The following EPB41L3 variants were observed in gnomAD, a reference collection of about 807,000 sequenced individuals.
The protein encoded by EPB41L3 is band 4.1-like protein 3.
Under a neutral mutation model 127.1 loss-of-function variants are expected in EPB41L3, and 57 were observed. The observed-to-expected ratio is 0.45, with a 90% CI of 0.36 to 0.56. EPB41L3 has a LOEUF of 0.56. Ranked by LOEUF, EPB41L3 falls within the 20% of genes least tolerant of loss-of-function variation. The pLI is 0.00. For missense variants in EPB41L3, 1,273 were observed against 1,372.2 expected (o/e 0.93, Z 1.14); for synonymous variants, 572 against 549.5 (o/e 1.04, Z -0.57).
At chr18:5,419,910 T>G in intron 11 of EPB41L3, 33 bp from the exon 12 acceptor site, 2 of 1,614,064 alleles carry the variant, frequency 1.2e-6, no homozygotes, top group Non-Finnish European at 1.7e-6. Flanking sequence ...CATGTATATT[T>G]CATGGTTTTC....
rs1463836118 is a variant in EPB41L3, at chr18:5,392,416, A to G, written c.*1069T>C. On this transcript the variant is annotated 3_prime_UTR_variant, in exon 23 of 23. Transcript: ENST00000341928. ...GTGCATTTGCCATTTTTATTTCGCT[A>G]TGCAGAAACATACATTCACCATGGG... 2 of 152,630 alleles carry G rather than the reference A, an allele frequency of 1.3e-5. No individual in the cohort carries two copies. Among genetic ancestry groups the G allele is most frequent in the African/African-American group, 2.4e-5 (1 of 41,444 alleles). 9.5% of individuals were successfully genotyped at this position (152,630 alleles called of 1,614,324 possible).
chr18:5,396,367 T>C lies in EPB41L3; in HGVS notation c.2842-35A>G, dbSNP rs768097979. On this transcript the variant is annotated intron_variant, in intron 18 of 22. Coordinates refer to ENST00000341928, the MANE Select transcript of EPB41L3 (RefSeq NM_012307.5). ...AGGGGAGTAAGCAGAGTGGCTGTTA[T>C]AGTTTGCATGAACACATTGTTTTCT... The C allele has an allele frequency of 3.5e-5, 57 of 1,613,442 alleles. No homozygotes were observed. The African/African-American group carries it at 6.4e-4, about 18-fold the overall frequency.
intron 3 of EPB41L3, among the ~76,000 whole-genome samples, chr18:5,594,641 C>A (rs1465933498): frequency 6.6e-6 from 1 of 152,168 alleles, no homozygotes; most frequent in Admixed American, 6.6e-5. Flanking sequence ...TTCACCCAAC[C>A]TTTTAGAAGG....
intron 8 of EPB41L3, among the ~76,000 whole-genome samples, chr18:5,429,956 C>T (rs187079977): frequency 6.6e-6 from 1 of 152,132 alleles, no homozygotes. Flanking sequence ...GGAACGAGGA[C>T]GCACTGCCAG....
At chr18:5,489,848 C>T (rs1474048510) in intron 1 of EPB41L3, among the ~76,000 whole-genome samples, 1 of 152,208 alleles carries the variant, frequency 6.6e-6, no homozygotes, top group Non-Finnish European at 1.5e-5. Flanking sequence ...CATCTTCTTC[C>T]TGGCTTCCCC....
intron 3 of EPB41L3, among the ~76,000 whole-genome samples, chr18:5,583,170 C>G (rs1038103977): frequency 2.0e-5 from 3 of 152,182 alleles, no homozygotes; most frequent in Non-Finnish European, 4.4e-5. Flanking sequence ...GACAGTCAGA[C>G]AACTGTCATA....
chr18:5,605,928 G>A (rs1026780094), intron 3 of EPB41L3, among the ~76,000 whole-genome samples: 8 of 152,184 alleles, frequency 5.3e-5, no homozygotes, highest in South Asian at 2.1e-4. Context: ...TAAGGAGTTG[G>A]AGGCAGAAGG....
intron 22 of EPB41L3, chr18:5,393,934 C>T: frequency 6.0e-6 from 1 of 166,004 alleles, no homozygotes; most frequent in East Asian, 1.8e-4. Context: ...TCTTGCATGG[C>T]AGGTGACTAT....
At chr18:5,517,078 G>C (rs573218021) in intron 1 of EPB41L3, among the ~76,000 whole-genome samples, 1 of 152,266 alleles carries the variant, frequency 6.6e-6, no homozygotes, top group African/African-American at 2.4e-5. Flanking sequence ...TCTGAGGGCA[G>C]AGCAACATCG....
intron 1 of EPB41L3, among the ~76,000 whole-genome samples, chr18:5,490,188 A>C (rs893306609): frequency 2.0e-5 from 3 of 152,242 alleles, no homozygotes; most frequent in Non-Finnish European, 2.9e-5. Flanking sequence ...CGCCAAGTAG[A>C]TCCCATGTCA....
intron 3 of EPB41L3, among the ~76,000 whole-genome samples, chr18:5,473,106 G>A (rs555500332): frequency 2.6e-5 from 4 of 152,004 alleles, no homozygotes; most frequent in African/African-American, 7.2e-5. Flanking sequence ...TATGTGTTAT[G>A]GCTGCATTTA....
At chr18:5,568,448 A>AG in intron 3 of EPB41L3, among the ~76,000 whole-genome samples, 1 of 150,230 alleles carries the variant, frequency 6.7e-6, no homozygotes, top group African/African-American at 2.4e-5. Flanking sequence ...AAAAAAAAAA[A>AG]GTATGAGAGA....
chr18:5,529,241 C>A (rs1200726131), intron 1 of EPB41L3, among the ~76,000 whole-genome samples: 1 of 152,126 alleles, frequency 6.6e-6, no homozygotes, highest in African/African-American at 2.4e-5. Context: ...AGGAGGTAAA[C>A]ATTTCCAACA....
intron 1 of EPB41L3, among the ~76,000 whole-genome samples, chr18:5,518,300 C>T (rs1265077476): frequency 6.6e-6 from 1 of 152,096 alleles, no homozygotes; most frequent in East Asian, 1.9e-4. Context: ...TAGAGCCTCG[C>T]ACTGTAATAT....
intron 3 of EPB41L3, among the ~76,000 whole-genome samples, chr18:5,458,659 A>C (rs1254587022): frequency 6.6e-6 from 1 of 152,190 alleles, no homozygotes; most frequent in Non-Finnish European, 1.5e-5. Flanking sequence ...AAAACACATG[A>C]ATAACAGTTT....
At chr18:5,405,460 A>C (rs2075218558) in intron 16 of EPB41L3, among the ~76,000 whole-genome samples, 1 of 152,168 alleles carries the variant, frequency 6.6e-6, no homozygotes, top group African/African-American at 2.4e-5. Flanking sequence ...GCACTACAGT[A>C]ATTTTTGGTT....
chr18:5,496,672 T>C (rs2091210722), intron 1 of EPB41L3, among the ~76,000 whole-genome samples: 1 of 152,268 alleles, frequency 6.6e-6, no homozygotes, highest in East Asian at 1.9e-4. Flanking sequence ...GATTTCGTTT[T>C]GCTATTTTAA....
rs1568400239 is a variant in EPB41L3, at chr18:5,489,092, G to A, written c.92C>T (p.Ala31Val). The A allele has an allele frequency of 3.8e-6, 6 of 1,590,758 alleles. No individual in the cohort carries two copies. Among genetic ancestry groups the A allele is most frequent in the African/African-American group, 2.7e-5 (2 of 73,046 alleles). ...CTCCTTGGGCGGCTCCGGCACGGGC[G>A]CCCCCGCGCGCCCCTGCGCCCCCGC... ...EAAGAQGRAG[A>V]PVPEPPKEEQ... The change falls in exon 2 of 23, where the codon GCG becomes GTG. Residue 31 changes from alanine to valine, a missense_variant. Ala to Val is a moderately conservative substitution (Grantham distance 64). Coordinates refer to ENST00000341928, the MANE Select transcript of EPB41L3 (RefSeq NM_012307.5).
rs182976048 is a variant in EPB41L3 at position 5,494,533 on chromosome 18, T to A, written c.-11-5339A>T. Among the ~76,000 whole-genome samples, 502 of 152,110 alleles carry A rather than the reference T, an allele frequency of 3.3e-3. 1 individual carries two copies. The highest frequency in any genetic ancestry group is 6.8e-3 in the Middle Eastern group (2 of 292). ...ATTAGCTGTGTATGCGGTGGGCACCTGTAACCCCACCTACTCGGGAGGCTG... is the reference window on the plus strand; with the variant it reads ...ATTAGCTGTGTATGCGGTGGGCACCAGTAACCCCACCTACTCGGGAGGCTG... On this transcript the variant is annotated intron_variant, in intron 1 of 22. Transcript: ENST00000341928.
Sources: allele counts gnomAD v4.1 joint callset (sites outside exome capture counted in the v4.1 genomes callset), GRCh38; gene constraint gnomAD v4.1.1; transcripts MANE v1.5; gene names NCBI Gene and HGNC (gene_info 2026-07-23, HGNC 2026-07-21).